WDPCP: variants seen among roughly 807,000 people sequenced by gnomAD.
The protein encoded by WDPCP is WD repeat-containing and planar cell polarity effector protein fritz homolog.
Under a neutral mutation model 93.1 loss-of-function variants are expected in WDPCP, and 71 were observed. The ratio of observed to expected loss-of-function variants is 0.76; its 90% CI spans 0.63 to 0.93. The LOEUF (loss-of-function observed/expected upper bound fraction) is 0.93. Among genes scored for constraint, WDPCP ranks in the 40% least tolerant of loss-of-function variants. The pLI, the probability that WDPCP is intolerant of heterozygous loss-of-function variation, is 0.00. For synonymous variants in WDPCP, 315 were observed against 315.0 expected (o/e 1.00, Z 0.00); for missense variants, 844 against 887.4 (o/e 0.95, Z 0.62).
At chr2:63,826,580 C>T (rs910663445) in intron 1 of WDPCP, among the ~76,000 whole-genome samples, 2 of 152,018 alleles carry the variant, frequency 1.3e-5, no homozygotes, top group East Asian at 1.9e-4. Flanking sequence ...CTTTCTTAGG[C>T]TTCTAAGTTA....
intron 1 of WDPCP, among the ~76,000 whole-genome samples, chr2:63,547,564 C>CAA (rs1705244143): frequency 6.8e-6 from 1 of 146,712 alleles, no homozygotes; most frequent in African/African-American, 2.4e-5. Context: ...TATACACACA[C>CAA]ACACACACAC....
At chr2:63,448,617 T>C (rs533352339) in intron 6 of WDPCP, among the ~76,000 whole-genome samples, 15 of 152,276 alleles carry the variant, frequency 9.9e-5, no homozygotes, top group African/African-American at 3.4e-4. Flanking sequence ...CCCAAAATCT[T>C]TGAGAATAAA....
chr2:63,482,533 T>C (rs1250388891), intron 6 of WDPCP, among the ~76,000 whole-genome samples: 1 of 152,020 alleles, frequency 6.6e-6, no homozygotes, highest in African/African-American at 2.4e-5. Flanking sequence ...TTCATTCCCT[T>C]AAGCTAATAA....
intron 9 of WDPCP, among the ~76,000 whole-genome samples, chr2:63,431,985 T>C (rs962292033): frequency 1.3e-5 from 2 of 151,704 alleles, no homozygotes; most frequent in South Asian, 2.1e-4. Context: ...TAAACACCAA[T>C]TGTGGAAAAA....
intron 14 of WDPCP, chr2:63,229,692 TC>T (rs1242696137): frequency 3.3e-5 from 5 of 151,890 alleles, no homozygotes; most frequent in African/African-American, 1.2e-4. Flanking sequence ...AAATAGGGAA[TC>T]CTTTCCCCAT....
intron 1 of WDPCP, among the ~76,000 whole-genome samples, chr2:63,819,852 C>T (rs77966944): frequency 0.18 from 27,118 of 152,102 alleles, 2,715 homozygotes; most frequent in Middle Eastern, 0.26. Context: ...CCCTTTTCCT[C>T]TTAGACAGGG....
intron 2 of WDPCP, among the ~76,000 whole-genome samples, chr2:63,722,120 G>A (rs1669425512): frequency 2.0e-5 from 3 of 152,280 alleles, no homozygotes; most frequent in Middle Eastern, 3.4e-3. Context: ...CTCCCAAAGT[G>A]CCGAGATTGC....
At chr2:63,480,541 T>C (rs1295061024) in intron 6 of WDPCP, among the ~76,000 whole-genome samples, 2 of 152,112 alleles carry the variant, frequency 1.3e-5, no homozygotes, top group African/African-American at 2.4e-5. Context: ...AATAGGCACA[T>C]AGACCAATGG....
At chr2:63,513,961 G>A (rs2106110071) in intron 1 of WDPCP, among the ~76,000 whole-genome samples, 1 of 151,834 alleles carries the variant, frequency 6.6e-6, no homozygotes, top group South Asian at 2.1e-4. Flanking sequence ...TTAAAGGAGT[G>A]TTGGCTATAA....
At chr2:63,589,782 G>A (rs1709128355), upstream of WDPCP, among the ~76,000 whole-genome samples, 1 of 152,200 alleles carries the variant, frequency 6.6e-6, no homozygotes, top group South Asian at 2.1e-4. Flanking sequence ...TGCTGAAAGA[G>A]AGGGGGAGGG....
chr2:63,497,963 C>G (rs757808297), intron 1 of WDPCP, among the ~76,000 whole-genome samples: 1 of 152,040 alleles, frequency 6.6e-6, no homozygotes, highest in African/African-American at 2.4e-5. Flanking sequence ...CAATGCTGCC[C>G]CACTCAGTGC....
chr2:63,691,873 AGTGTGTGT>A (rs71393325), intron 2 of WDPCP, among the ~76,000 whole-genome samples: 5,160 of 145,126 alleles, frequency 0.036, 263 homozygotes, highest in African/African-American at 0.11. Flanking sequence ...TATACTACAA[AGTGTGTGT>A]GTGTGTGTGT....
intron 2 of WDPCP, among the ~76,000 whole-genome samples, chr2:63,716,632 T>C (rs544462981): frequency 1.4e-4 from 22 of 152,296 alleles, no homozygotes; most frequent in Non-Finnish European, 2.1e-4. Context: ...AACCCTTGTT[T>C]GGAAGAGGTT....
At chr2:63,809,384 C>T (rs1190605857) in intron 2 of WDPCP, among the ~76,000 whole-genome samples, 1 of 152,170 alleles carries the variant, frequency 6.6e-6, no homozygotes, top group Non-Finnish European at 1.5e-5. Flanking sequence ...AGCCCCTCTG[C>T]CCAGCCACCA....
At chr2:63,197,180 A>G (rs1474304109) in intron 14 of WDPCP, among the ~76,000 whole-genome samples, 1 of 151,930 alleles carries the variant, frequency 6.6e-6, no homozygotes, top group Non-Finnish European at 1.5e-5. Context: ...CCTACTCAAC[A>G]CAAAGACAAC....
At chr2:63,550,552 TTTTCTG>T (rs1705531169) in intron 1 of WDPCP, among the ~76,000 whole-genome samples, 1 of 151,942 alleles carries the variant, frequency 6.6e-6, no homozygotes, top group African/African-American at 2.4e-5. Flanking sequence ...TAAGTACCAT[TTTTCTG>T]TTTCTGTCTA....
At chr2:63,432,007 AC>A (rs760993456) in intron 9 of WDPCP, among the ~76,000 whole-genome samples, 5 of 152,194 alleles carry the variant, frequency 3.3e-5, no homozygotes, top group Non-Finnish European at 7.4e-5. Context: ...AAGGAAAAAA[AC>A]AACCCTTTAA....
the WDPCP span, among the ~76,000 whole-genome samples, chr2:63,835,860 ATTTTT>A: frequency 6.6e-6 from 1 of 151,786 alleles, no homozygotes; most frequent in Non-Finnish European, 1.5e-5. Flanking sequence ...TCTTTATTTT[ATTTTT>A]ATTTTTTGAG....
At chr2:63,590,538 A>T (rs1278987855), upstream of WDPCP, 10 of 152,226 alleles carry the variant, frequency 6.6e-5, no homozygotes, top group East Asian at 1.2e-3. Flanking sequence ...TGTTATCAGC[A>T]TGTAGATTAC....
Sources: gnomAD v4.1 joint callset for allele counts (sites outside exome capture counted in the v4.1 genomes callset) on GRCh38, gnomAD v4.1.1 for gene constraint, MANE v1.5 for transcripts, NCBI Gene and HGNC (gene_info 2026-07-23, HGNC 2026-07-21) for gene names.